The following SERINC3 variants were observed in gnomAD, a reference collection of about 807,000 sequenced individuals.
SERINC3 encodes the protein tumor differentially expressed protein 1.
Under a neutral mutation model 52.1 loss-of-function variants are expected in SERINC3, and 22 were observed. The observed-to-expected ratio is 0.42, with a 90% CI of 0.30 to 0.60. The LOEUF (loss-of-function observed/expected upper bound fraction) is 0.60, where lower values mean the gene tolerates loss of function less well. Among genes scored for constraint, SERINC3 ranks in the 20% least tolerant of loss-of-function variants. The probability of loss-of-function intolerance (pLI) is 0.16; values close to 1 mark genes in which losing one functional copy is unlikely to be tolerated. For missense variants in SERINC3, 564 were observed against 584.6 expected, an observed-to-expected ratio of 0.96 and a Z score of 0.36; for synonymous variants, 226 against 212.7, an observed-to-expected ratio of 1.06 and a Z score of -0.54.
rs1191331026 is a variant in SERINC3 at position 44,506,584 on chromosome 20, C to CAAAAAAAAAAAAA, written c.783+230_783+242dup. 3.2e-3 allele frequency among the ~76,000 whole-genome samples: 45 copies of CAAAAAAAAAAAAA among 14,262 alleles called. 3 individuals carry two copies. Among genetic ancestry groups the CAAAAAAAAAAAAA allele is most frequent in the African/African-American group, 0.01 (42 of 4,188 alleles). The allele number at this position is 14,262 out of a possible 152,430, so 9.4% of individuals were successfully genotyped here. On this transcript the variant is annotated intron_variant, in intron 6 of 9. Transcript: ENST00000342374. ...TGGTTGACAGAGCGAGACTCCATCTCAAAAAAAAAAAAAAAAAAAAAAAAA... is the reference window on the plus strand; with the variant it reads ...TGGTTGACAGAGCGAGACTCCATCTCAAAAAAAAAAAAAAAAAAAAAAAAAAAAAAAAAAAAAA...
chr20:44,501,207 A>C lies in SERINC3; in HGVS notation c.1149T>G (p.Ser383Arg). 1 of 1,614,110 alleles carries C rather than the reference A, an allele frequency of 6.2e-7. No homozygotes were observed. Among genetic ancestry groups the C allele is most frequent in the Non-Finnish European group, 8.5e-7 (1 of 1,179,998 alleles). The change falls in exon 9 of 10, where the codon AGT becomes AGG. Residue 383 changes from serine (S) to arginine (R), a missense_variant. Transcript: ENST00000342374. ...GCCGAGGCTGTCCATCTTCTTCATC[A>C]CTGGCACCACTGGTAGTTGTATCAC... ...ILGDTTTSGA[S>R]DEEDGQPRRA...
chr20:44,509,435 C>T (rs868083177), intron 5 of SERINC3, among the ~76,000 whole-genome samples: 1 of 152,098 alleles, frequency 6.6e-6, no homozygotes, highest in East Asian at 1.9e-4. Flanking sequence ...TTGGGAAAAT[C>T]GAACAATTTA....
chr20:44,504,963 T>G, intron 6 of SERINC3, 72 bp from the exon 7 acceptor site: 3 of 1,125,112 alleles, frequency 2.7e-6, no homozygotes, highest in Non-Finnish European at 4.0e-6. Flanking sequence ...AGTGCACTTC[T>G]CTGGAGTTAA....
At chr20:44,507,061 T>C (rs2123045640) in intron 5 of SERINC3, 65 bp from the exon 6 acceptor site, 1 of 1,236,566 alleles carries the variant, frequency 8.1e-7, no homozygotes, top group African/African-American at 1.6e-5. Flanking sequence ...AGGCCAATTT[T>C]CTTCCACTCC....
chr20:44,507,750 C>G (rs1463421897), intron 5 of SERINC3, among the ~76,000 whole-genome samples: 2 of 152,090 alleles, frequency 1.3e-5, no homozygotes, highest in African/African-American at 4.8e-5. Context: ...AAGGCTGTAG[C>G]CCCAGCTACT....
chr20:44,517,912 T>G (rs1288432787), intron 1 of SERINC3, among the ~76,000 whole-genome samples: 1 of 152,188 alleles, frequency 6.6e-6, no homozygotes, highest in African/African-American at 2.4e-5. Context: ...GTTATGTCAT[T>G]TTTCTATTTC....
rs2064336489 is a variant in SERINC3, at chr20:44,509,882, G to C, written c.613+9C>G. The C allele has an allele frequency of 6.2e-7, 1 of 1,613,880 alleles. No individual in the cohort carries two copies. Among genetic ancestry groups the C allele is most frequent in the Non-Finnish European group, 8.5e-7 (1 of 1,179,806 alleles). ...AGTATGGCTAACATAGGTGAGTAGA[G>C]ATACCTACCAGCATACCACAACCTT... On this transcript the variant is annotated intron_variant, in intron 5 of 9. Coordinates refer to ENST00000342374, the MANE Select transcript of SERINC3 (RefSeq NM_006811.4).
At chr20:44,520,350 C>G (rs2064408348) in intron 1 of SERINC3, among the ~76,000 whole-genome samples, 1 of 152,096 alleles carries the variant, frequency 6.6e-6, no homozygotes, top group Non-Finnish European at 1.5e-5. Flanking sequence ...ATGGAAGCTC[C>G]AGACCCGTTC....
chr20:44,504,851 A>G lies in SERINC3; in HGVS notation c.824T>C (p.Ile275Thr), dbSNP rs201805703. ...PRSGLLQSSL[I>T]TLYTMYLTWS... ...GGTGAGGTACATAGTGTAGAGGGTG[A>G]TGAGGGAGGACTGCAAGAGGCCGGA... Residue 275 changes from isoleucine (I) to threonine (T), a missense_variant, in exon 7 of 10, where the codon ATC becomes ACC. Physicochemically the swap from Ile to Thr is moderately conservative, Grantham distance 89. Coordinates refer to ENST00000342374, the MANE Select transcript of SERINC3 (RefSeq NM_006811.4). The G allele has an allele frequency of 2.1e-4, 339 of 1,613,208 alleles. 2 individuals carry two copies. In the Admixed American group the frequency reaches 2.4e-3, roughly 11 times the overall value.
rs143535398 is a variant in SERINC3, at chr20:44,503,893, G to A, written c.977C>T (p.Pro326Leu). 44 of 1,603,750 alleles carry A rather than the reference G, an allele frequency of 2.7e-5. No homozygotes were observed. The highest frequency in any genetic ancestry group is 3.7e-5 in the Non-Finnish European group (43 of 1,176,434). The change falls in exon 8 of 10, where the codon CCA becomes CTA. Residue 326 changes from proline to leucine, a missense_variant. By Grantham distance (98) the Pro-to-Leu change is moderately conservative (BLOSUM62 -3). Coordinates refer to ENST00000342374, the MANE Select transcript of SERINC3 (RefSeq NM_006811.4). ...STAVVPTPTP[P>L]SKSGSLLDSD... ...ATCCAGTAAAGACCCACTCTTTGAT[G>A]GTGGAGTAGGGGTAGGGACCACAGC...
Position 44,509,937 on chromosome 20 carries a change from T to C in SERINC3, c.567A>G (p.Ser189=), listed in dbSNP as rs747787709. 2.1e-5 allele frequency: 34 copies of C among 1,614,058 alleles called. No individual in the cohort carries two copies. Among genetic ancestry groups the C allele is most frequent in the Non-Finnish European group, 2.7e-5 (32 of 1,180,026 alleles). The change falls in exon 5 of 10, where the codon TCA becomes TCG. Residue 189 remains serine, a synonymous_variant. Transcript: ENST00000342374. ...TTCCTTCTTCCATTCGATTTACCCA[T>C]GATTCATTCCAAGAATGAGCAAAAT... The part of the protein sequence containing the change: ...LVDFAHSWNE[S]WVNRMEEGNP...
chr20:44,506,939 A>G lies in SERINC3; in HGVS notation c.671T>C (p.Leu224Pro), dbSNP rs765104847. ...ATCTGGTTTGGTGTAATATGTATAG[A>G]GCAGCCCGACACAGATGATTGACAG... ...YILSIICVGLLYTYYTKPDGC... is the reference protein window; with the variant it reads ...YILSIICVGLPYTYYTKPDGC... The change falls in exon 6 of 10, where the codon CTC becomes CCC. Residue 224 changes from leucine (L) to proline (P), a missense_variant. By Grantham distance (98) the Leu-to-Pro change is moderately conservative. Coordinates refer to ENST00000342374, the MANE Select transcript of SERINC3 (RefSeq NM_006811.4). 4 of 1,613,278 alleles carry G rather than the reference A, an allele frequency of 2.5e-6. No homozygotes were observed. Among genetic ancestry groups the G allele is most frequent in the Non-Finnish European group, 3.4e-6 (4 of 1,179,636 alleles).
intron 5 of SERINC3, among the ~76,000 whole-genome samples, chr20:44,508,262 T>A (rs1399143588): frequency 6.6e-6 from 1 of 152,056 alleles, no homozygotes; most frequent in African/African-American, 2.4e-5. Flanking sequence ...GGCAGGTGGA[T>A]CGATTGAGTC....
rs963957317 is a variant in SERINC3, at chr20:44,511,464, CT to C, written c.396-97del. 6 of 752,432 alleles carry C rather than the reference CT, an allele frequency of 8.0e-6. No individual in the cohort carries two copies. The African/African-American group carries it at 8.9e-5, about 11-fold the overall frequency. 46.6% of individuals were successfully genotyped at this position (752,432 alleles called of 1,614,324 possible). On this transcript the variant is annotated intron_variant, in intron 3 of 9. Transcript: ENST00000342374. ...AAATGCAAAAATAATAACTTAATAG[CT>C]TTTTTCCCAACATGATTGTCTGGAC... is the stretch of plus-strand genomic sequence containing the variant.
chr20:44,500,316 T>C lies in SERINC3; in HGVS notation c.1402A>G (p.Thr468Ala), dbSNP rs201460770. 9.9e-6 allele frequency: 16 copies of C among 1,611,242 alleles called. No individual in the cohort carries two copies. The highest frequency in any genetic ancestry group is 1.3e-5 in the Non-Finnish European group (15 of 1,179,030). ...VWTLVAPLVL[T>A]SRDFS The stretch of plus-strand genomic sequence containing the variant: ...GAGGTTCAGCTGAAGTCCCGACTGG[T>C]GAGGACAAGTGGAGCCACAAGGGTC... The change falls in exon 10 of 10, where the codon ACC becomes GCC. Residue 468 changes from threonine to alanine, a missense_variant. By Grantham distance (58) the Thr-to-Ala change is moderately conservative. Coordinates refer to ENST00000342374, the MANE Select transcript of SERINC3 (RefSeq NM_006811.4).
chr20:44,503,733 G>A, intron 8 of SERINC3, 82 bp downstream of exon 8: 1 of 1,114,518 alleles, frequency 9.0e-7, no homozygotes, highest in Non-Finnish European at 1.3e-6. Context: ...AATTTCTCAT[G>A]CTGCTTTTTG....
At chr20:44,519,204 A>T in intron 1 of SERINC3, 1 of 152,524 alleles carries the variant, frequency 6.6e-6, no homozygotes, top group Non-Finnish European at 1.5e-5. Context: ...ACCAGAAACC[A>T]CCTCGTTAAA....
chr20:44,512,763 C>T, intron 3 of SERINC3, 38 bp downstream of exon 3: 1 of 1,490,600 alleles, frequency 6.7e-7, no homozygotes, highest in East Asian at 2.6e-5. Context: ...GGAAGAGCCA[C>T]ACCATAATGT....
chr20:44,516,274 C>T (rs1279016849), intron 1 of SERINC3, among the ~76,000 whole-genome samples: 1 of 152,110 alleles, frequency 6.6e-6, no homozygotes, highest in African/African-American at 2.4e-5. Flanking sequence ...TGCACTCCAG[C>T]CTGGGCGACA....
Sources: gnomAD v4.1 joint callset for allele counts (sites outside exome capture counted in the v4.1 genomes callset) on GRCh38, gnomAD v4.1.1 for gene constraint, MANE v1.5 for transcripts, NCBI Gene and HGNC (gene_info 2026-07-23, HGNC 2026-07-21) for gene names.